The following RSF1 variants were observed in gnomAD, a reference collection of about 807,000 sequenced individuals.
RSF1 encodes the protein HBV pX-associated protein 8.
RSF1 carries 13 observed loss-of-function variants against 145.2 expected under a neutral mutation model. The observed-to-expected ratio is 0.09, with a 90% CI of 0.06 to 0.14. The LOEUF (loss-of-function observed/expected upper bound fraction) is 0.14, where lower values mean the gene tolerates loss of function less well. Among genes scored for constraint, RSF1 ranks in the 10% least tolerant of loss-of-function variants. The pLI is 1.00. For synonymous variants in RSF1, 577 were observed against 592.6 expected, an observed-to-expected ratio of 0.97 and a Z score of 0.38; for missense variants, 1,517 against 1,718.2, an observed-to-expected ratio of 0.88 and a Z score of 2.07.
chr11:77,772,091 CA>C (rs1239304933), intron 1 of RSF1, among the ~76,000 whole-genome samples: 1 of 152,088 alleles, frequency 6.6e-6, no homozygotes, highest in Non-Finnish European at 1.5e-5. Flanking sequence ...TTAGTTTAAT[CA>C]CATCCATATT....
intron 1 of RSF1, among the ~76,000 whole-genome samples, chr11:77,789,530 C>T (rs1291373342): frequency 6.6e-6 from 1 of 152,162 alleles, no homozygotes; most frequent in East Asian, 1.9e-4. Flanking sequence ...GCCACTATGG[C>T]CACAGCTGAG....
chr11:77,869,813 T>C, the RSF1 span: 2 of 1,613,506 alleles, frequency 1.2e-6, no homozygotes, highest in East Asian at 2.2e-5. Flanking sequence ...AGTGAGGCCT[T>C]GAAGGTAGGT....
chr11:77,848,212 T>C, the RSF1 span, among the ~76,000 whole-genome samples: 139 of 152,338 alleles, frequency 9.1e-4, no homozygotes, highest in African/African-American at 3.3e-3. Flanking sequence ...CTGACAAAGG[T>C]TATCCAGACT....
intron 1 of RSF1, among the ~76,000 whole-genome samples, chr11:77,814,680 A>G (rs973309114): frequency 2.6e-5 from 4 of 152,148 alleles, no homozygotes. Flanking sequence ...TCCTGACCTC[A>G]GGTGATCCGC....
intron 1 of RSF1, among the ~76,000 whole-genome samples, chr11:77,769,130 T>C (rs1169274591): frequency 3.3e-5 from 5 of 152,138 alleles, no homozygotes; most frequent in African/African-American, 1.2e-4. Context: ...CAATCTCAGC[T>C]CACTAGAACC....
intron 1 of RSF1, among the ~76,000 whole-genome samples, chr11:77,814,838 C>T (rs1948766762): frequency 6.6e-6 from 1 of 152,180 alleles, no homozygotes; most frequent in Admixed American, 6.5e-5. Flanking sequence ...AAGTCAGTTT[C>T]CTCTATTATT....
At chr11:77,711,384 A>G (rs1448220690) in intron 5 of RSF1, among the ~76,000 whole-genome samples, 2 of 152,312 alleles carry the variant, frequency 1.3e-5, no homozygotes, top group African/African-American at 4.8e-5. Flanking sequence ...AAGTTTGTGT[A>G]TGTGGCCAGG....
intron 3 of RSF1, 23 bp from the exon 4 acceptor site, chr11:77,740,959 C>G: frequency 2.0e-6 from 3 of 1,513,726 alleles, no homozygotes; most frequent in Non-Finnish European, 1.8e-6. Context: ...CATAACATGA[C>G]TTAAAATACC....
At position 77,729,641 on chromosome 11, in the gene RSF1, C is replaced by A. The variant is rs183254003; in HGVS notation, c.579-3942G>T. ...GGCATTATCTTCTGCCAAGTATGAG[C>A]CAAGTATCTGGTTCTTCCACAGCAC... is the stretch of plus-strand genomic sequence containing the variant. On this transcript the variant is annotated intron_variant, in intron 4 of 15. Transcript: ENST00000308488. Among the ~76,000 whole-genome samples the A allele has an allele frequency of 2.8e-3, 422 of 151,314 alleles. 4 individuals carry two copies. The highest frequency in any genetic ancestry group is 9.8e-3 in the African/African-American group (406 of 41,234).
intron 4 of RSF1, chr11:77,738,673 T>C (rs969777919): frequency 2.0e-5 from 3 of 151,942 alleles, no homozygotes; most frequent in African/African-American, 4.8e-5. Context: ...ACAGTATACA[T>C]TAGACATTTT....
At chr11:77,831,519 G>C in the RSF1 span, among the ~76,000 whole-genome samples, 1 of 152,018 alleles carries the variant, frequency 6.6e-6, no homozygotes, top group Admixed American at 6.6e-5. Context: ...TTGGAGCCTA[G>C]GTATCTGCAA....
At chr11:77,764,179 G>A (rs1948203181) in intron 2 of RSF1, 1 of 157,498 alleles carries the variant, frequency 6.3e-6, no homozygotes, top group Admixed American at 6.5e-5. Context: ...ATTGGTCTGT[G>A]GCCCAGGGGT....
chr11:77,858,302 C>CTTTTTTTTTTTT, the RSF1 span, among the ~76,000 whole-genome samples: 72 of 69,358 alleles, frequency 1.0e-3, 1 homozygote, highest in Admixed American at 2.2e-3. Context: ...TTAAGCAATT[C>CTTTTTTTTTTTT]TTTTTTTTTT....
At chr11:77,704,563 AGATTCCCAGGTTCACTAACACTAAT>A (rs1265490230) in intron 5 of RSF1, among the ~76,000 whole-genome samples, 1 of 152,176 alleles carries the variant, frequency 6.6e-6, no homozygotes, top group Non-Finnish European at 1.5e-5. Context: ...ATTAGGTTCA[AGATTCCCAGGTTCACTAACACTAAT>A]TTAGCTAGTG....
chr11:77,830,912 G>T, the RSF1 span, among the ~76,000 whole-genome samples: 4 of 150,792 alleles, frequency 2.7e-5, no homozygotes, highest in South Asian at 8.4e-4. Context: ...AGACTGAGGT[G>T]GGAGAATTGC....
chr11:77,846,789 G>A, the RSF1 span, among the ~76,000 whole-genome samples: 1 of 152,104 alleles, frequency 6.6e-6, no homozygotes. Flanking sequence ...TGTCTGAAAA[G>A]GTCCTTGTTT....
rs1233430693 is a variant in RSF1, at chr11:77,683,643, C to G, written c.3065+67G>C. ...AGCATGATAGAAAAAGCATATACTT[C>G]TGGATCATGCTGTGTACTTGCAAAA... is the stretch of plus-strand genomic sequence containing the variant. On this transcript the variant is annotated intron_variant, in intron 11 of 15. Transcript: ENST00000308488. 4.0e-6 allele frequency: 4 copies of G among 990,794 alleles called. No individual in the cohort carries two copies. The East Asian group carries it at 9.6e-5, about 24-fold the overall frequency. 61.4% of individuals were successfully genotyped at this position (990,794 alleles called of 1,614,324 possible).
chr11:77,806,297 A>G (rs1015635231), intron 1 of RSF1, among the ~76,000 whole-genome samples: 2 of 152,214 alleles, frequency 1.3e-5, no homozygotes, highest in East Asian at 3.8e-4. Flanking sequence ...AAAGATAAAT[A>G]AAAAATTGAA....
intron 1 of RSF1, among the ~76,000 whole-genome samples, chr11:77,786,961 T>C (rs867631385): frequency 1.3e-5 from 2 of 151,994 alleles, no homozygotes; most frequent in Admixed American, 1.3e-4. Flanking sequence ...ACAGGGAGGA[T>C]CAATCAAAAA....
Sources: gnomAD v4.1 joint callset for allele counts (sites outside exome capture counted in the v4.1 genomes callset) on GRCh38, gnomAD v4.1.1 for gene constraint, MANE v1.5 for transcripts, NCBI Gene and HGNC (gene_info 2026-07-23, HGNC 2026-07-21) for gene names.